Variants in KRT39 observed in about 807,000 individuals in gnomAD.
The protein encoded by KRT39 is keratin, type I cytoskeletal 39.
A neutral mutation model predicts 54.8 loss-of-function variants in KRT39; 47 were observed. The observed-to-expected ratio is 0.86, with a 90% confidence interval of 0.68 to 1.09. The LOEUF (loss-of-function observed/expected upper bound fraction) is 1.09. Among genes scored for constraint, KRT39 ranks in the 50% least tolerant of loss-of-function variants. KRT39 has a pLI of 0.00. For missense variants in KRT39, 580 were observed against 598.5 expected (o/e 0.97, Z 0.32); for synonymous variants, 207 against 227.9 (o/e 0.91, Z 0.83).
intron 1 of KRT39, among the ~76,000 whole-genome samples, chr17:40,965,333 G>A (rs1284760754): frequency 1.3e-5 from 2 of 152,036 alleles, no homozygotes; most frequent in Non-Finnish European, 2.9e-5. Flanking sequence ...CAGAGATCGC[G>A]CCATTGCACT....
At position 40,960,305 on chromosome 17, in the gene KRT39, C is replaced by T. The variant is rs751381833; in HGVS notation, c.1193G>A (p.Ser398Asn). ...CTTGCCATCCGAGCTCTCCAGAAGG[C>T]TGCGGTATGTGGTAATCTCACATTC... ...RLECEITTYR[S>N]LLESSDGKRP... Residue 398 changes from serine to asparagine, a missense_variant, in exon 6 of 7, where the codon AGC becomes AAC. Coordinates refer to ENST00000355612, the MANE Select transcript of KRT39 (RefSeq NM_213656.4). The T allele has an allele frequency of 1.2e-5, 19 of 1,613,354 alleles. No individual in the cohort carries two copies. In the South Asian group the frequency reaches 2.0e-4, roughly 17 times the overall value.
Position 40,966,762 on chromosome 17 carries a change from T to C in KRT39, c.95A>G (p.Asn32Ser). 1 of 1,614,224 alleles carries C rather than the reference T, an allele frequency of 6.2e-7. No individual in the cohort carries two copies. Among genetic ancestry groups the C allele is most frequent in the Non-Finnish European group, 8.5e-7 (1 of 1,180,030 alleles). The change falls in exon 1 of 7, where the codon AAC becomes AGC. Residue 32 changes from asparagine (N) to serine (S), a missense_variant. Transcript: ENST00000355612. ...TGTAAGGCCACCAGGATGGCAGCCGTTGTTAGAAGAGATGGTACTAACATT... is the reference window on the plus strand; with the variant it reads ...TGTAAGGCCACCAGGATGGCAGCCGCTGTTAGAAGAGATGGTACTAACATT... Reference protein sequence around the residue: ...ITNVSTISSNNGCHPGGLTVN... With the variant: ...ITNVSTISSNSGCHPGGLTVN...
chr17:40,960,682 G>T, intron 5 of KRT39, 181 bp from the exon 6 acceptor site: 1 of 594,474 alleles, frequency 1.7e-6, no homozygotes, highest in Non-Finnish European at 3.0e-6. Flanking sequence ...GCTAAAATCT[G>T]CTTTCCTTTA....
At chr17:40,964,045 C>A in intron 2 of KRT39, 1 of 426,932 alleles carries the variant, frequency 2.3e-6, no homozygotes, top group Non-Finnish European at 4.1e-6. Flanking sequence ...AGTGGCAATG[C>A]AATGTAAGTG....
chr17:40,962,492 G>T lies in KRT39; in HGVS notation c.780C>A (p.Asp260Glu). 1 of 1,614,144 alleles carries T rather than the reference G, an allele frequency of 6.2e-7. No individual in the cohort carries two copies. The highest frequency in any genetic ancestry group is 1.7e-5 in the Admixed American group (1 of 60,022). Reference protein sequence around the residue: ...DIEVTAAPSADLNQVLQEMRC... With the variant: ...DIEVTAAPSAELNQVLQEMRC... The stretch of plus-strand genomic sequence containing the variant: ...TCATTTCTTGTAGAACCTGGTTTAG[G>T]TCAGCAGAAGGGGCAGCAGTCACTT... Residue 260 changes from aspartate to glutamate, a missense_variant, in exon 4 of 7, where the codon GAC (aspartate) becomes GAA (glutamate). Asp to Glu is a conservative substitution (Grantham distance 45, BLOSUM62 2). Transcript: ENST00000355612.
rs1028705599 is a variant in KRT39, at chr17:40,963,876, C to G, written c.552-93G>C. On this transcript the variant is annotated intron_variant, in intron 2 of 6. Transcript: ENST00000355612. ...TCTCATCTGCATTTTGCTCTGGGCA[C>G]CTCACTTAGTGTATTTCTATTAGAA... 7.9e-5 allele frequency: 71 copies of G among 903,070 alleles called. 3 individuals carry two copies. The South Asian group carries it at 1.0e-3, about 13-fold the overall frequency. The allele number at this position is 903,070 out of a possible 1,614,324, so 55.9% of individuals were successfully genotyped here. A position where few individuals can be genotyped will look rare whatever the true frequency, so the allele number is the denominator to read the frequency against.
At position 40,966,852 on chromosome 17, in the gene KRT39, T is replaced by C; in HGVS notation, c.5A>G (p.Asp2Gly). The change falls in exon 1 of 7, where the codon GAC becomes GGC. Residue 2 changes from aspartate (D) to glycine (G), a missense_variant. By Grantham distance (94) the Asp-to-Gly change is moderately conservative. Transcript: ENST00000355612. ...ATTGGTTGTTGTACAGCCCTTGGTG[T>C]CCATAGTATGTGTCTGGCTTTAGTT... The part of the protein sequence containing the change: M[D>G]TKGCTTTNSP... The C allele has an allele frequency of 6.2e-7, 1 of 1,602,234 alleles. No homozygotes were observed. The highest frequency in any genetic ancestry group is 8.5e-7 in the Non-Finnish European group (1 of 1,173,584).
In KRT39 at chr17:40,960,359, T is replaced by C. The variant is rs1222346372; in HGVS notation, c.1139A>G (p.Glu380Gly). 1 of 1,614,132 alleles carries C rather than the reference T, an allele frequency of 6.2e-7. No individual in the cohort carries two copies. The stretch of plus-strand genomic sequence containing the variant: ...CCGGGACTTGACGTCCAGCAGGATC[T>C]CGTATTCTTGGTTCTGTCTTTCCAG... ...CALERQNQEY[E>G]ILLDVKSRLE... Residue 380 changes from glutamate to glycine, a missense_variant, in exon 6 of 7, where the codon GAG (glutamate) becomes GGG (glycine). Coordinates refer to ENST00000355612, the MANE Select transcript of KRT39 (RefSeq NM_213656.4).
At chr17:40,960,133 T>G (rs1276827971) in intron 6 of KRT39, 148 bp downstream of exon 6, 1 of 668,230 alleles carries the variant, frequency 1.5e-6, no homozygotes, top group Non-Finnish European at 2.6e-6. Context: ...TGGCACAGCT[T>G]GAGAGGGTGT....
intron 6 of KRT39, 78 bp from the exon 7 acceptor site, chr17:40,958,937 T>A: frequency 7.3e-7 from 1 of 1,378,558 alleles, no homozygotes; most frequent in Non-Finnish European, 9.9e-7. Flanking sequence ...TTGTGGCTAA[T>A]TTTTTTAACA....
chr17:40,965,464 TGAGG>T (rs546172409), intron 1 of KRT39, among the ~76,000 whole-genome samples: 1 of 152,188 alleles, frequency 6.6e-6, no homozygotes, highest in Non-Finnish European at 1.5e-5. Context: ...GTCAACTCCA[TGAGG>T]GCAGGGACTT....
At chr17:40,966,018 G>T (rs1282991515) in intron 1 of KRT39, among the ~76,000 whole-genome samples, 2 of 152,102 alleles carry the variant, frequency 1.3e-5, no homozygotes, top group African/African-American at 4.8e-5. Context: ...AAGTAGCTGG[G>T]ACCACAGGCA....
intron 3 of KRT39, 123 bp downstream of exon 3, chr17:40,963,504 C>G: frequency 1.2e-6 from 1 of 849,406 alleles, no homozygotes; most frequent in Non-Finnish European, 1.8e-6. Context: ...TCAGTTATTT[C>G]TTTATAGCAG....
chr17:40,962,489 T>C lies in KRT39; in HGVS notation c.783A>G (p.Leu261=), dbSNP rs1911196360. 6.2e-7 allele frequency: 1 copy of C among 1,614,116 alleles called. No individual in the cohort carries two copies. Residue 261 remains leucine, a synonymous_variant, in exon 4 of 7, where the codon CTA becomes CTG. Coordinates refer to ENST00000355612, the MANE Select transcript of KRT39 (RefSeq NM_213656.4). The part of the protein sequence containing the change: ...IEVTAAPSAD[L]NQVLQEMRCQ... The stretch of plus-strand genomic sequence containing the variant: ...ATCTCATTTCTTGTAGAACCTGGTT[T>C]AGGTCAGCAGAAGGGGCAGCAGTCA...
intron 6 of KRT39, among the ~76,000 whole-genome samples, chr17:40,959,999 T>C (rs1911070452): frequency 6.6e-6 from 1 of 152,174 alleles, no homozygotes; most frequent in South Asian, 2.1e-4. Context: ...TCTCTAGTAA[T>C]TTTTAAAACT....
At chr17:40,958,948 C>T (rs906970496) in intron 6 of KRT39, 89 bp from the exon 7 acceptor site, 20 of 1,277,738 alleles carry the variant, frequency 1.6e-5, no homozygotes, top group East Asian at 2.3e-5. Context: ...TTTTTTAACA[C>T]GTGTTGCTCA....
intron 3 of KRT39, 140 bp from the exon 4 acceptor site, chr17:40,962,703 T>C (rs1266678541): frequency 4.3e-6 from 3 of 689,874 alleles, no homozygotes; most frequent in Admixed American, 5.8e-5. Flanking sequence ...TTTACAGGTG[T>C]TATTGAGATG....
At chr17:40,958,891 T>C (rs1199093968) in intron 6 of KRT39, 32 bp from the exon 7 acceptor site, 2 of 1,541,826 alleles carry the variant, frequency 1.3e-6, no homozygotes, top group Admixed American at 2.1e-5. Context: ...TTAGCTGTGA[T>C]TGAGGGAAGG....
intron 1 of KRT39, 33 bp from the exon 2 acceptor site, chr17:40,964,561 C>G: frequency 7.0e-7 from 1 of 1,432,438 alleles, no homozygotes; most frequent in Non-Finnish European, 9.9e-7. Flanking sequence ...ACAAATGAAG[C>G]AAACACCAAG....
Sources: gnomAD v4.1 joint callset for allele counts (sites outside exome capture counted in the v4.1 genomes callset) on GRCh38, gnomAD v4.1.1 for gene constraint, MANE v1.5 for transcripts, NCBI Gene and HGNC (gene_info 2026-07-23, HGNC 2026-07-21) for gene names.